Variants in KHDRBS2 observed in about 807,000 individuals in gnomAD.
The protein encoded by KHDRBS2 is KH RNA binding domain containing, signal transduction associated 2, also known as KH domain-containing, RNA-binding, signal transduction-associated protein 2.
In KHDRBS2, 26 loss-of-function variants were observed where a neutral mutation model predicts 44.3. The ratio of observed to expected loss-of-function variants is 0.59; its 90% CI spans 0.43 to 0.81. The LOEUF is 0.81. Among genes scored for constraint, KHDRBS2 ranks in the 40% least tolerant of loss-of-function variants. KHDRBS2 has a pLI of 0.00. For synonymous variants in KHDRBS2, 194 were observed against 151.1 expected (o/e 1.28, Z -2.08); for missense variants, 476 against 433.1 (o/e 1.10, Z -0.88).
At chr6:62,213,749 C>A (rs1304088425) in intron 1 of KHDRBS2, among the ~76,000 whole-genome samples, 2 of 151,392 alleles carry the variant, frequency 1.3e-5, no homozygotes, top group Non-Finnish European at 2.9e-5. Context: ...TGGTGGACAC[C>A]CGTAGTCCCA....
At chr6:62,090,875 G>A (rs542618601) in intron 2 of KHDRBS2, among the ~76,000 whole-genome samples, 2 of 152,240 alleles carry the variant, frequency 1.3e-5, no homozygotes, top group Admixed American at 6.5e-5. Context: ...TTAGGTACCC[G>A]ATTTTTGCAA....
chr6:61,845,309 G>GT (rs35774578), intron 6 of KHDRBS2, among the ~76,000 whole-genome samples: 29,503 of 125,788 alleles, frequency 0.23, 3,912 homozygotes, highest in African/African-American at 0.33. Context: ...ACAGTTCCTT[G>GT]TTTTTTTTTT....
intron 7 of KHDRBS2, among the ~76,000 whole-genome samples, chr6:61,719,807 T>C (rs1338684536): frequency 6.6e-6 from 1 of 152,084 alleles, no homozygotes; most frequent in Non-Finnish European, 1.5e-5. Context: ...CTTTAAGTTT[T>C]AGGGTACATG....
At chr6:61,562,445 A>T in the KHDRBS2 span, among the ~76,000 whole-genome samples, 3 of 152,168 alleles carry the variant, frequency 2.0e-5, no homozygotes, top group Non-Finnish European at 4.4e-5. Context: ...TAAAAATAAG[A>T]GGGTGAATTC....
intron 3 of KHDRBS2, among the ~76,000 whole-genome samples, chr6:62,006,741 T>C (rs978592493): frequency 3.3e-5 from 5 of 151,816 alleles, no homozygotes; most frequent in Non-Finnish European, 7.4e-5. Flanking sequence ...CAAACATATA[T>C]ACAGAAAAAT....
intron 7 of KHDRBS2, among the ~76,000 whole-genome samples, chr6:61,725,202 C>G (rs1219806220): frequency 6.6e-6 from 1 of 151,982 alleles, no homozygotes; most frequent in Non-Finnish European, 1.5e-5. Flanking sequence ...TCCTGAATGA[C>G]TTTTGGGTAA....
intron 2 of KHDRBS2, among the ~76,000 whole-genome samples, chr6:62,134,189 C>A (rs1404387975): frequency 6.6e-6 from 1 of 152,110 alleles, no homozygotes; most frequent in African/African-American, 2.4e-5. Flanking sequence ...GTGAGCTGGG[C>A]CCAGGGACGT....
chr6:61,797,437 G>C (rs1355946016), intron 6 of KHDRBS2, among the ~76,000 whole-genome samples: 1 of 152,098 alleles, frequency 6.6e-6, no homozygotes, highest in Non-Finnish European at 1.5e-5. Context: ...AAGTATGTCT[G>C]GCTACAAGAA....
chr6:61,685,374 A>G (rs561575896), intron 8 of KHDRBS2, among the ~76,000 whole-genome samples: 2 of 152,018 alleles, frequency 1.3e-5, no homozygotes, highest in South Asian at 2.1e-4. Flanking sequence ...AAGAGCAAAT[A>G]AGAATATTTG....
chr6:61,943,723 A>G (rs1280153286), intron 4 of KHDRBS2, among the ~76,000 whole-genome samples: 1 of 152,188 alleles, frequency 6.6e-6, no homozygotes, highest in Non-Finnish European at 1.5e-5. Context: ...AACTTATTGA[A>G]TGGTAGAAAA....
At chr6:61,920,014 C>A (rs1173385315) in intron 4 of KHDRBS2, among the ~76,000 whole-genome samples, 1 of 151,796 alleles carries the variant, frequency 6.6e-6, no homozygotes, top group East Asian at 1.9e-4. Flanking sequence ...AGATATATGA[C>A]CCCAAGAGCT....
intron 3 of KHDRBS2, among the ~76,000 whole-genome samples, chr6:62,027,287 A>C (rs1335608421): frequency 1.3e-5 from 2 of 152,110 alleles, no homozygotes; most frequent in Non-Finnish European, 2.9e-5. Context: ...TGCCAACTGC[A>C]TTTAATATTT....
intron 6 of KHDRBS2, among the ~76,000 whole-genome samples, chr6:61,893,975 A>G (rs1802465854): frequency 6.6e-6 from 1 of 152,110 alleles, no homozygotes; most frequent in South Asian, 2.1e-4. Flanking sequence ...CATATTTCAC[A>G]ATCTAGTCGG....
chr6:61,784,733 A>C (rs906101896), intron 6 of KHDRBS2, among the ~76,000 whole-genome samples: 4 of 152,186 alleles, frequency 2.6e-5, no homozygotes, highest in Non-Finnish European at 5.9e-5. Flanking sequence ...CAACTTAATT[A>C]AAAATGTTTT....
intron 3 of KHDRBS2, among the ~76,000 whole-genome samples, chr6:61,991,506 G>C (rs577781733): frequency 6.6e-6 from 1 of 152,132 alleles, no homozygotes; most frequent in Admixed American, 6.5e-5. Flanking sequence ...AACCAATTAA[G>C]AAATGAAGTG....
chr6:61,882,021 T>C (rs1800276170), intron 6 of KHDRBS2, among the ~76,000 whole-genome samples: 1 of 152,066 alleles, frequency 6.6e-6, no homozygotes, highest in Admixed American at 6.6e-5. Context: ...TCAAATAGTT[T>C]ACAACATCCA....
At chr6:61,803,782 G>C (rs1182560561) in intron 6 of KHDRBS2, among the ~76,000 whole-genome samples, 1 of 152,132 alleles carries the variant, frequency 6.6e-6, no homozygotes, top group Non-Finnish European at 1.5e-5. Context: ...AGAGAGAAGT[G>C]CAGAGTGAAG....
At chr6:62,237,764 G>A (rs1317660837) in intron 1 of KHDRBS2, among the ~76,000 whole-genome samples, 2 of 152,098 alleles carry the variant, frequency 1.3e-5, no homozygotes, top group African/African-American at 2.4e-5. Context: ...ATTGAGGCCC[G>A]GTGCAGTGGC....
the KHDRBS2 span, among the ~76,000 whole-genome samples, chr6:61,585,308 C>A: frequency 6.6e-6 from 1 of 151,926 alleles, no homozygotes; most frequent in African/African-American, 2.4e-5. Context: ...AAAAATGGTA[C>A]TTCATCATTT....
Sources: allele counts gnomAD v4.1 joint callset (sites outside exome capture counted in the v4.1 genomes callset), GRCh38; gene constraint gnomAD v4.1.1; transcripts MANE v1.5; gene names NCBI Gene and HGNC (gene_info 2026-07-23, HGNC 2026-07-21).